Variants in GRIN1 observed in about 807,000 individuals in gnomAD.
The protein encoded by GRIN1 is glutamate ionotropic receptor NMDA type subunit 1.
Under a neutral mutation model 103.0 loss-of-function variants are expected in GRIN1, and 38 were observed. That is an observed-to-expected ratio of 0.37 (90% CI 0.28 to 0.48). The LOEUF (loss-of-function observed/expected upper bound fraction) is 0.48. GRIN1 is among the 20% of genes least tolerant of loss of function. The probability of loss-of-function intolerance (pLI) is 0.98; values close to 1 mark genes in which losing one functional copy is unlikely to be tolerated. For missense variants in GRIN1, 577 were observed against 1,288.9 expected, an observed-to-expected ratio of 0.45 and a Z score of 8.46; for synonymous variants, 544 against 532.7, an observed-to-expected ratio of 1.02 and a Z score of -0.29.
In GRIN1 at chr9:137,146,728, A is replaced by G. The variant is rs1832554984; in HGVS notation, c.570+826A>G. ...TCAGCACCTGGGCCAGCTCCTGATCAAGCAGTGGGAGGAGGCCCAGGCTGA... is the reference window on the plus strand; with the variant it reads ...TCAGCACCTGGGCCAGCTCCTGATCGAGCAGTGGGAGGAGGCCCAGGCTGA... On this transcript the variant is annotated intron_variant, in intron 3 of 19. Transcript: ENST00000371561. The surrounding 1 kb of genome is among the most constrained non-coding windows in gnomAD (Gnocchi z 6.7). Among the ~76,000 whole-genome samples the G allele has an allele frequency of 6.6e-6, 1 of 152,100 alleles. No individual in the cohort carries two copies. Among genetic ancestry groups the G allele is most frequent in the African/African-American group, 2.4e-5 (1 of 41,414 alleles).
intron 18 of GRIN1, 189 bp from the exon 19 acceptor site, chr9:137,164,997 G>A (rs937440555): frequency 1.3e-5 from 8 of 614,956 alleles, no homozygotes; most frequent in Non-Finnish European, 2.1e-5. Context: ...GGTCAGGCCC[G>A]AGACCCCGGG....
At chr9:137,150,180 T>C (rs1832758867) in intron 4 of GRIN1, among the ~76,000 whole-genome samples, 1 of 152,160 alleles carries the variant, frequency 6.6e-6, no homozygotes, top group Admixed American at 6.5e-5. Flanking sequence ...AGGTCACTTG[T>C]CCACTCCACT....
chr9:137,143,712 C>T (rs1269445537), intron 2 of GRIN1, among the ~76,000 whole-genome samples: 1 of 152,216 alleles, frequency 6.6e-6, no homozygotes, highest in African/African-American at 2.4e-5. Context: ...ACCACGTCAC[C>T]AGGTGGATAG....
chr9:137,159,834 C>A (rs1397624463), intron 8 of GRIN1, among the ~76,000 whole-genome samples: 1 of 152,212 alleles, frequency 6.6e-6, no homozygotes, highest in Non-Finnish European at 1.5e-5. Flanking sequence ...GCCTGCCCCC[C>A]TCTCAGGCTC....
intron 18 of GRIN1, chr9:137,164,202 G>A (rs951831755): frequency 2.1e-6 from 1 of 471,898 alleles, no homozygotes; most frequent in Non-Finnish European, 3.9e-6. Context: ...TCCATAGGAA[G>A]GCAATCAGGC....
rs1410027473 is a variant in GRIN1, at chr9:137,156,795, G to A, written c.793+5G>A. ...CCCTGCGCTACGCCCCAGACGGTGA[G>A]TGCTGGGCCTTGGCGGGGTCCCCGA... is the stretch of plus-strand genomic sequence containing the variant. On this transcript the variant is annotated splice_donor_5th_base_variant and intron_variant, in intron 5 of 19. Coordinates refer to ENST00000371561, the MANE Select transcript of GRIN1 (RefSeq NM_007327.4). The A allele has an allele frequency of 1.3e-6, 2 of 1,597,070 alleles. No homozygotes were observed. The highest frequency in any genetic ancestry group is 1.7e-6 in the Non-Finnish European group (2 of 1,172,538).
In GRIN1 at chr9:137,158,635, C is replaced by T. The variant is rs1438106542; in HGVS notation, c.1128C>T (p.Asp376=). ...CCCACCCCCAGGTCATCCCTAATGA[C>T]AGGAAGATCATCTGGCCAGGCGGAG... is the stretch of plus-strand genomic sequence containing the variant. ...IYNGTHVIPN[D]RKIIWPGGET... is the part of the protein sequence containing the mutation. The change falls in exon 8 of 20, where the codon GAC becomes GAT. Residue 376 remains aspartate (D), a synonymous_variant. Coordinates refer to ENST00000371561, the MANE Select transcript of GRIN1 (RefSeq NM_007327.4). 3.1e-6 allele frequency: 5 copies of T among 1,612,668 alleles called. No homozygotes were observed. Among genetic ancestry groups the T allele is most frequent in the Non-Finnish European group, 4.2e-6 (5 of 1,179,898 alleles).
chr9:137,165,917 C>T (rs894187306), intron 19 of GRIN1, among the ~76,000 whole-genome samples: 5 of 152,318 alleles, frequency 3.3e-5, no homozygotes, highest in South Asian at 2.1e-4. Flanking sequence ...GGCCTGGGTC[C>T]GTCTGGGTGG....
At chr9:137,159,225 T>A (rs1833395801) in intron 8 of GRIN1, among the ~76,000 whole-genome samples, 1 of 151,990 alleles carries the variant, frequency 6.6e-6, no homozygotes, top group South Asian at 2.1e-4. Context: ...GGCTCCCTAC[T>A]CCAGGGTGCT....
In GRIN1 at chr9:137,168,573, C is replaced by G. The variant is rs934178754; in HGVS notation, c.*1046C>G. 1 of 291,554 alleles carries G rather than the reference C, an allele frequency of 3.4e-6. No homozygotes were observed. The highest frequency in any genetic ancestry group is 6.3e-6 in the Non-Finnish European group (1 of 159,218). The allele number at this position is 291,554 out of a possible 1,614,324, so 18.1% of individuals were successfully genotyped here. A position where few individuals can be genotyped will look rare whatever the true frequency, so the allele number is the denominator to read the frequency against. On this transcript the variant is annotated 3_prime_UTR_variant, in exon 20 of 20. Transcript: ENST00000371561. ...CCACCCGCCCGCCCCCGCCCTCGCT[C>G]CGGGTGCGTGACCGGCCCGCCACCT...
rs200777850 is a variant in GRIN1, at chr9:137,149,087, C to A, written c.649C>A (p.Arg217=). The change falls in exon 4 of 20, where the codon CGG becomes AGG. Residue 217 remains arginine, a synonymous_variant. Transcript: ENST00000371561. The part of the protein sequence containing the change: ...LLMEAKELEA[R]VIILSASEDD... ...GATGGAGGCGAAAGAGCTGGAGGCC[C>A]GGGTCATCATCCTTTCTGCCAGGTG... 2.6e-5 allele frequency: 42 copies of A among 1,611,186 alleles called. No homozygotes were observed. The highest frequency in any genetic ancestry group is 1.5e-4 in the Admixed American group (9 of 59,842).
In GRIN1 at chr9:137,161,343, A is replaced by T. The variant is rs751388174; in HGVS notation, c.1394A>T (p.Lys465Met). The T allele has an allele frequency of 6.2e-7, 1 of 1,612,684 alleles. No individual in the cohort carries two copies. Among genetic ancestry groups the T allele is most frequent in the Non-Finnish European group, 8.5e-7 (1 of 1,179,814 alleles). Reference sequence around the variant, plus strand: ...GGCTTTTGCATCGACCTGCTCATCAAGCTGGCACGGACCATGAACTTCACC... The same window carrying T: ...GGCTTTTGCATCGACCTGCTCATCATGCTGGCACGGACCATGAACTTCACC... ...CYGFCIDLLI[K>M]LARTMNFTYE... The change falls in exon 10 of 20, where the codon AAG becomes ATG. Residue 465 changes from lysine to methionine, a missense_variant. Physicochemically the swap from Lys to Met is moderately conservative, Grantham distance 95. Coordinates refer to ENST00000371561, the MANE Select transcript of GRIN1 (RefSeq NM_007327.4).
At chr9:137,145,147 G>A (rs62585937) in intron 2 of GRIN1, among the ~76,000 whole-genome samples, 1 of 3,376 alleles carries the variant, frequency 3.0e-4, no homozygotes. Flanking sequence ...TGGGGACCGG[G>A]GTGAGAGGAA....
chr9:137,161,896 C>T, intron 10 of GRIN1, 28 bp from the exon 11 acceptor site: 1 of 1,548,458 alleles, frequency 6.5e-7, no homozygotes. Context: ...ACGCTGCCTG[C>T]ATGCCCGCCG....
chr9:137,160,473 A>C (rs1833470770), intron 8 of GRIN1, among the ~76,000 whole-genome samples: 1 of 151,580 alleles, frequency 6.6e-6, no homozygotes, highest in African/African-American at 2.4e-5. Flanking sequence ...TCTGTCGCCC[A>C]GGCTGGAGTG....
intron 4 of GRIN1, among the ~76,000 whole-genome samples, chr9:137,149,374 G>A (rs1337750265): frequency 6.6e-6 from 1 of 152,234 alleles, no homozygotes; most frequent in South Asian, 2.1e-4. Flanking sequence ...TGGGCTGTGG[G>A]AGAGGGATAT....
chr9:137,167,504 T>C lies in GRIN1; in HGVS notation c.2794T>C (p.Cys932Arg). ...IEREEGQLQL[C>R]SRHRES ...GAGGGAGGAGGGCCAGCTGCAGCTGTGTTCCCGTCATAGGGAGAGCTGAGA... is the reference window on the plus strand; with the variant it reads ...GAGGGAGGAGGGCCAGCTGCAGCTGCGTTCCCGTCATAGGGAGAGCTGAGA... Residue 932 changes from cysteine to arginine, a missense_variant, in exon 20 of 20, where the codon TGT (cysteine) becomes CGT (arginine). Transcript: ENST00000371561. 1 of 1,555,934 alleles carries C rather than the reference T, an allele frequency of 6.4e-7. No individual in the cohort carries two copies. The highest frequency in any genetic ancestry group is 8.7e-7 in the Non-Finnish European group (1 of 1,149,602).
rs1484297646 is a variant in GRIN1, at chr9:137,163,557, A to G, written c.2334-2A>G. ...TGCAGGCTCACTTGTTCCCACCGCC[A>G]GGTCCCACGAGAATGGCTTCATGGA... On this transcript the variant is annotated splice_acceptor_variant, in intron 16 of 19. Coordinates refer to ENST00000371561, the MANE Select transcript of GRIN1 (RefSeq NM_007327.4). LOFTEE classifies it high-confidence loss of function. The G allele has an allele frequency of 6.3e-7, 1 of 1,597,594 alleles. No homozygotes were observed. The highest frequency in any genetic ancestry group is 8.6e-7 in the Non-Finnish European group (1 of 1,168,276).
rs143483243 is a variant in GRIN1, at chr9:137,158,454, C to T, written c.1044C>T (p.Phe348=). 1.8e-4 allele frequency: 288 copies of T among 1,613,496 alleles called. 2 individuals carry two copies. In the South Asian group the frequency reaches 2.1e-3, roughly 12 times the overall value. Residue 348 remains phenylalanine, a synonymous_variant, in exon 7 of 20, where the codon TTC becomes TTT. Coordinates refer to ENST00000371561, the MANE Select transcript of GRIN1 (RefSeq NM_007327.4). The part of the protein sequence containing the change: ...VEFNEDGDRK[F]ANYSIMNLQN... Reference sequence around the variant, plus strand: ...TCAATGAGGATGGGGACCGGAAGTTCGCCAACTACAGCATCATGAACCTGC... The same window carrying T: ...TCAATGAGGATGGGGACCGGAAGTTTGCCAACTACAGCATCATGAACCTGC...
Sources: allele counts gnomAD v4.1 joint callset (sites outside exome capture counted in the v4.1 genomes callset), GRCh38; gene constraint gnomAD v4.1.1; non-coding constraint Gnocchi (gnomAD v3.1); transcripts MANE v1.5; gene names NCBI Gene and HGNC (gene_info 2026-07-23, HGNC 2026-07-21).